GPR39: variants seen among roughly 807,000 people sequenced by gnomAD.
GPR39 encodes the protein zinc sensing receptor.
In GPR39, 23 loss-of-function variants were observed where a neutral mutation model predicts 18.4. That is an observed-to-expected ratio of 1.25 (90% CI 0.90 to 1.77). The LOEUF (loss-of-function observed/expected upper bound fraction) is 1.77. Ranked by LOEUF, GPR39 falls within the 40% of genes most tolerant of loss-of-function variation. The probability of loss-of-function intolerance (pLI) is 0.00; values close to 1 mark genes in which losing one functional copy is unlikely to be tolerated. For missense variants in GPR39, 647 were observed against 602.4 expected, an observed-to-expected ratio of 1.07 and a Z score of -0.78; for synonymous variants, 280 against 257.9, an observed-to-expected ratio of 1.09 and a Z score of -0.82.
intron 1 of GPR39, 87 bp from the exon 2 acceptor site, chr2:132,645,014 A>C: frequency 6.9e-7 from 1 of 1,459,164 alleles, no homozygotes; most frequent in Non-Finnish European, 9.3e-7. Flanking sequence ...CAGAGGGGCT[A>C]AATATTTTAT....
chr2:132,613,783 T>TTA (rs1314600882), intron 1 of GPR39, among the ~76,000 whole-genome samples: 1 of 152,234 alleles, frequency 6.6e-6, no homozygotes, highest in Admixed American at 6.5e-5. Flanking sequence ...CTATTGAAGT[T>TTA]TAGCACAAAC....
At chr2:132,570,382 C>G (rs760858981) in intron 1 of GPR39, among the ~76,000 whole-genome samples, 4 of 152,118 alleles carry the variant, frequency 2.6e-5, no homozygotes, top group African/African-American at 4.8e-5. Context: ...TCCTCACTTG[C>G]CTGTTTTAAT....
At chr2:132,516,603 G>A (rs1679339239) in intron 1 of GPR39, among the ~76,000 whole-genome samples, 1 of 152,148 alleles carries the variant, frequency 6.6e-6, no homozygotes, top group African/African-American at 2.4e-5. Context: ...TTTTTCAGCC[G>A]GCCACACTCT....
intron 1 of GPR39, among the ~76,000 whole-genome samples, chr2:132,565,735 A>AT (rs1208389050): frequency 6.9e-6 from 1 of 144,570 alleles, no homozygotes; most frequent in South Asian, 2.3e-4. Context: ...TGAACTCATC[A>AT]TTTTTTATGG....
chr2:132,612,682 T>C (rs527423518), intron 1 of GPR39, among the ~76,000 whole-genome samples: 2 of 152,362 alleles, frequency 1.3e-5, no homozygotes, highest in South Asian at 4.1e-4. Context: ...GATCCTCTGT[T>C]GCTCAGTTTA....
intron 1 of GPR39, among the ~76,000 whole-genome samples, chr2:132,439,392 T>C (rs1427208762): frequency 1.3e-5 from 2 of 152,206 alleles, no homozygotes; most frequent in African/African-American, 4.8e-5. Context: ...AGGCGCTTGG[T>C]AAATGGCTGT....
chr2:132,540,263 G>A (rs1382766433), intron 1 of GPR39, among the ~76,000 whole-genome samples: 1 of 152,138 alleles, frequency 6.6e-6, no homozygotes, highest in East Asian at 1.9e-4. Context: ...TGACAGCAGG[G>A]GCTCTCCGGA....
At chr2:132,569,941 G>A (rs1217775379) in intron 1 of GPR39, among the ~76,000 whole-genome samples, 3 of 152,164 alleles carry the variant, frequency 2.0e-5, no homozygotes. Flanking sequence ...CCCCAGCCAC[G>A]TGGAACTGTA....
chr2:132,579,969 T>C (rs534544632), intron 1 of GPR39, among the ~76,000 whole-genome samples: 121 of 152,384 alleles, frequency 7.9e-4, no homozygotes, highest in African/African-American at 2.9e-3. Context: ...TTCAGTCTTC[T>C]GAAACATTGG....
chr2:132,621,939 T>A (rs1248737291), intron 1 of GPR39, among the ~76,000 whole-genome samples: 1 of 152,104 alleles, frequency 6.6e-6, no homozygotes, highest in Non-Finnish European at 1.5e-5. Flanking sequence ...AGAGGTCCTG[T>A]CACAAATCTC....
intron 1 of GPR39, among the ~76,000 whole-genome samples, chr2:132,589,293 G>A (rs956161222): frequency 3.4e-4 from 52 of 152,098 alleles, no homozygotes; most frequent in African/African-American, 1.2e-3. Context: ...ATCGGCTGCC[G>A]AGCCAAGAGG....
In GPR39 at chr2:132,417,117, G is replaced by A; in HGVS notation, c.75G>A (p.Val25=). The change falls in exon 1 of 2, where the codon GTG becomes GTA. Residue 25 remains valine, a synonymous_variant. Coordinates refer to ENST00000329321, the MANE Select transcript of GPR39 (RefSeq NM_001508.3). ...IDHSHVPEFE[V]ATWIKITLIL... ...ACAGTCATGTCCCCGAGTTTGAGGTGGCCACCTGGATCAAAATCACCCTTA... is the reference window on the plus strand; with the variant it reads ...ACAGTCATGTCCCCGAGTTTGAGGTAGCCACCTGGATCAAAATCACCCTTA... The A allele has an allele frequency of 1.2e-6, 2 of 1,614,104 alleles. No individual in the cohort carries two copies. Among genetic ancestry groups the A allele is most frequent in the Non-Finnish European group, 1.7e-6 (2 of 1,180,024 alleles).
At chr2:132,622,973 G>A (rs1681468631) in intron 1 of GPR39, among the ~76,000 whole-genome samples, 1 of 152,134 alleles carries the variant, frequency 6.6e-6, no homozygotes, top group Non-Finnish European at 1.5e-5. Flanking sequence ...GTAGCCGGGT[G>A]TGGTGGCGGG....
chr2:132,424,090 C>T (rs1680069479), intron 1 of GPR39, among the ~76,000 whole-genome samples: 1 of 152,138 alleles, frequency 6.6e-6, no homozygotes, highest in African/African-American at 2.4e-5. Context: ...TTGCTTGCCC[C>T]TGAGCAAATG....
In GPR39 at chr2:132,646,283, G is replaced by GT. The variant is rs758044361; in HGVS notation, c.*678dup. On this transcript the variant is annotated 3_prime_UTR_variant, in exon 2 of 2. Transcript: ENST00000329321. The stretch of plus-strand genomic sequence containing the variant: ...ACAGGACTTGCGGTACATGATCCCT[G>GT]TAACACAGACCCAAAGGAGCTGAGT... The GT allele has an allele frequency of 6.7e-7, 1 of 1,487,278 alleles. No individual in the cohort carries two copies. Among genetic ancestry groups the GT allele is most frequent in the Non-Finnish European group, 9.0e-7 (1 of 1,111,968 alleles). The allele number at this position is 1,487,278 out of a possible 1,614,324, so 92.1% of individuals were successfully genotyped here.
At chr2:132,562,004 C>G (rs571386331) in intron 1 of GPR39, among the ~76,000 whole-genome samples, 1 of 152,306 alleles carries the variant, frequency 6.6e-6, no homozygotes, top group African/African-American at 2.4e-5. Context: ...CGCAGACACA[C>G]TCAGAATATT....
chr2:132,441,791 A>G (rs1039396923), intron 1 of GPR39, among the ~76,000 whole-genome samples: 1 of 152,186 alleles, frequency 6.6e-6, no homozygotes, highest in African/African-American at 2.4e-5. Flanking sequence ...TCTGTGTCTT[A>G]ATGATCTAAG....
intron 1 of GPR39, among the ~76,000 whole-genome samples, chr2:132,612,253 A>G (rs911973689): frequency 1.6e-4 from 25 of 152,232 alleles, no homozygotes; most frequent in Non-Finnish European, 4.4e-5. Context: ...CCCTGGACTC[A>G]TGTATCTCTT....
intron 1 of GPR39, among the ~76,000 whole-genome samples, chr2:132,608,298 A>G (rs1681177389): frequency 6.6e-6 from 1 of 152,236 alleles, no homozygotes; most frequent in African/African-American, 2.4e-5. Context: ...CAGTTAGAAC[A>G]GGTACATTGT....
Sources: allele counts gnomAD v4.1 joint callset (sites outside exome capture counted in the v4.1 genomes callset), GRCh38; gene constraint gnomAD v4.1.1; transcripts MANE v1.5; gene names NCBI Gene and HGNC (gene_info 2026-07-23, HGNC 2026-07-21).